Variants in VAT1L observed in about 807,000 individuals in gnomAD.
VAT1L encodes putative NADPH-dependent quinone oxidoreductase VAT1L.
Under a neutral mutation model 44.1 loss-of-function variants are expected in VAT1L, and 34 were observed. The observed-to-expected ratio is 0.77, with a 90% CI of 0.59 to 1.03. VAT1L has a LOEUF of 1.03. VAT1L is among the 50% of genes least tolerant of loss of function. VAT1L has a pLI of 0.00. For missense variants in VAT1L, 615 were observed against 538.8 expected, an observed-to-expected ratio of 1.14 and a Z score of -1.40; for synonymous variants, 253 against 202.2, an observed-to-expected ratio of 1.25 and a Z score of -2.13.
chr16:77,899,491 T>C (rs2017358764), intron 7 of VAT1L, among the ~76,000 whole-genome samples: 1 of 152,246 alleles, frequency 6.6e-6, no homozygotes, highest in South Asian at 2.1e-4. Context: ...CAAAGTCTAT[T>C]GCAAGCAGTG....
chr16:77,950,205 T>C (rs1337669724), intron 7 of VAT1L, among the ~76,000 whole-genome samples: 24 of 152,112 alleles, frequency 1.6e-4, no homozygotes, highest in Admixed American at 1.5e-3. Flanking sequence ...GGTCAGGAGT[T>C]CAAAACCAGC....
intron 7 of VAT1L, among the ~76,000 whole-genome samples, chr16:77,901,731 C>G (rs566782305): frequency 2.0e-4 from 31 of 152,224 alleles, no homozygotes; most frequent in African/African-American, 7.2e-4. Context: ...CACAACATCC[C>G]ACTCCCACTC....
In VAT1L at chr16:77,788,593, A is replaced by G. The variant is rs2015768884; in HGVS notation, c.-90A>G. ...CACAGCCGAGCATCCCACATTCAAC[A>G]GGAGGAACCCGCGGGAGAGGAGCCC... On this transcript the variant is annotated 5_prime_UTR_variant, in exon 1 of 9. Transcript: ENST00000302536. 2.8e-6 allele frequency: 4 copies of G among 1,434,574 alleles called. No individual in the cohort carries two copies. Among genetic ancestry groups the G allele is most frequent in the Non-Finnish European group, 3.8e-6 (4 of 1,057,196 alleles). The allele number at this position is 1,434,574 out of a possible 1,614,324, so 88.9% of individuals were successfully genotyped here.
At position 77,828,673 on chromosome 16, in the gene VAT1L, A is replaced by T. The variant is rs12929344; in HGVS notation, c.579+3212A>T. On this transcript the variant is annotated intron_variant, in intron 3 of 8. Transcript: ENST00000302536. ...AGCAAAACTCCATCTCAAAAAAATA[A>T]AAAAATAAAAATAAAAAAGGTGGGA... Among the ~76,000 whole-genome samples the T allele has an allele frequency of 2.3e-3, 354 of 152,148 alleles. 2 individuals carry two copies. The highest frequency in any genetic ancestry group is 4.0e-3 in the Non-Finnish European group (274 of 67,982).
chr16:77,874,164 C>G (rs373164963), intron 4 of VAT1L, among the ~76,000 whole-genome samples: 11 of 152,100 alleles, frequency 7.2e-5, no homozygotes, highest in African/African-American at 2.7e-4. Context: ...TATGCATGGC[C>G]TAATATTGGT....
intron 8 of VAT1L, among the ~76,000 whole-genome samples, chr16:77,973,195 C>T (rs974143822): frequency 2.0e-5 from 3 of 152,176 alleles, no homozygotes; most frequent in Non-Finnish European, 4.4e-5. Context: ...TACATGACTA[C>T]TCAGCTTTGA....
At chr16:77,823,706 G>C (rs1003690576) in intron 2 of VAT1L, among the ~76,000 whole-genome samples, 1 of 152,196 alleles carries the variant, frequency 6.6e-6, no homozygotes, top group Non-Finnish European at 1.5e-5. Flanking sequence ...AGATTTCATA[G>C]TGATCAAATG....
At chr16:77,790,380 G>C (rs564840250) in intron 1 of VAT1L, among the ~76,000 whole-genome samples, 1 of 152,042 alleles carries the variant, frequency 6.6e-6, no homozygotes, top group Non-Finnish European at 1.5e-5. Flanking sequence ...CTGCCCTTTC[G>C]CAGCTAAATC....
At chr16:77,881,255 C>G (rs886715358) in intron 6 of VAT1L, among the ~76,000 whole-genome samples, 4 of 152,204 alleles carry the variant, frequency 2.6e-5, no homozygotes, top group African/African-American at 9.7e-5. Flanking sequence ...AATTGATCCA[C>G]TCATTTGACA....
intron 7 of VAT1L, among the ~76,000 whole-genome samples, chr16:77,938,945 G>C (rs1407509371): frequency 6.6e-6 from 1 of 152,094 alleles, no homozygotes; most frequent in African/African-American, 2.4e-5. Flanking sequence ...TGGGAGAGAG[G>C]AGTGGGTTGG....
In VAT1L at chr16:77,814,544, G is replaced by C. The variant is rs114700645; in HGVS notation, c.234-2377G>C. Among the ~76,000 whole-genome samples, 18 of 152,298 alleles carry C rather than the reference G, an allele frequency of 1.2e-4. No individual in the cohort carries two copies. The South Asian group carries it at 3.5e-3, about 30-fold the overall frequency. ...CCAGTTGAGCAGCGTAATAAGTGTC[G>C]AAGATGAGGCCTTCTCCAGGGGGCT... On this transcript the variant is annotated intron_variant, in intron 1 of 8. Coordinates refer to ENST00000302536, the MANE Select transcript of VAT1L (RefSeq NM_020927.3).
intron 1 of VAT1L, among the ~76,000 whole-genome samples, chr16:77,796,323 C>A (rs1035977203): frequency 6.6e-6 from 1 of 152,144 alleles, no homozygotes; most frequent in African/African-American, 2.4e-5. Context: ...CCCTACCATC[C>A]ATCTGCAGCA....
intron 7 of VAT1L, among the ~76,000 whole-genome samples, chr16:77,910,001 T>G (rs2017481782): frequency 6.6e-6 from 1 of 152,210 alleles, no homozygotes; most frequent in Admixed American, 6.5e-5. Context: ...GCCAAATTGC[T>G]AGAGAGGGCA....
intron 5 of VAT1L, among the ~76,000 whole-genome samples, chr16:77,877,461 C>T (rs1025852936): frequency 3.6e-5 from 5 of 137,700 alleles, no homozygotes; most frequent in Non-Finnish European, 7.6e-5. Flanking sequence ...GGCAGTGAGC[C>T]GAGACCGCGC....
intron 7 of VAT1L, among the ~76,000 whole-genome samples, chr16:77,967,262 G>A (rs575439924): frequency 4.6e-5 from 7 of 152,288 alleles, no homozygotes; most frequent in Admixed American, 3.9e-4. Flanking sequence ...TGTTTTATCT[G>A]TGAAACTGTG....
At chr16:77,924,066 G>A (rs2017640808) in intron 7 of VAT1L, among the ~76,000 whole-genome samples, 1 of 152,046 alleles carries the variant, frequency 6.6e-6, no homozygotes, top group South Asian at 2.1e-4. Context: ...CTGAGCAACT[G>A]ATTCAACATC....
At chr16:77,838,551 TAG>T (rs1567483368) in intron 3 of VAT1L, among the ~76,000 whole-genome samples, 2 of 152,040 alleles carry the variant, frequency 1.3e-5, no homozygotes, top group African/African-American at 4.8e-5. Context: ...CACGACAGGA[TAG>T]AGAGATTAAA....
At chr16:77,822,286 C>T (rs1302895027) in intron 2 of VAT1L, among the ~76,000 whole-genome samples, 1 of 152,148 alleles carries the variant, frequency 6.6e-6, no homozygotes, top group African/African-American at 2.4e-5. Flanking sequence ...AGATATGGGC[C>T]ACCACACCTG....
chr16:77,867,114 T>C (rs562365495), intron 4 of VAT1L, among the ~76,000 whole-genome samples: 1 of 152,322 alleles, frequency 6.6e-6, no homozygotes, highest in Admixed American at 6.5e-5. Flanking sequence ...TGAACATTCC[T>C]CATTTTACAG....
Sources: allele counts gnomAD v4.1 joint callset (sites outside exome capture counted in the v4.1 genomes callset), GRCh38; gene constraint gnomAD v4.1.1; transcripts MANE v1.5; gene names NCBI Gene and HGNC (gene_info 2026-07-23, HGNC 2026-07-21).